SUCLG2: variants seen among roughly 807,000 people sequenced by gnomAD.
SUCLG2 encodes succinate-CoA ligase GDP-forming subunit beta, also known as succinate--CoA ligase [GDP-forming] subunit beta, mitochondrial.
In SUCLG2, 42 loss-of-function variants were observed where a neutral mutation model predicts 47.9. The ratio of observed to expected loss-of-function variants is 0.88; its 90% confidence interval spans 0.69 to 1.14. The LOEUF (loss-of-function observed/expected upper bound fraction) is 1.14, where lower values mean the gene tolerates loss of function less well. Ranked by LOEUF, SUCLG2 falls within the 50% of genes most tolerant of loss-of-function variation. The pLI, the probability that SUCLG2 is intolerant of heterozygous loss-of-function variation, is 0.00. For missense variants in SUCLG2, 571 were observed against 525.9 expected (o/e 1.09, Z -0.84); for synonymous variants, 195 against 197.3 (o/e 0.99, Z 0.10).
chr3:67,468,086 G>C (rs895787397), intron 9 of SUCLG2, among the ~76,000 whole-genome samples: 1 of 152,156 alleles, frequency 6.6e-6, no homozygotes, highest in Non-Finnish European at 1.5e-5. Context: ...ATGATGTGTG[G>C]GTTGAGGAGG....
chr3:67,475,390 G>C (rs994738579), intron 9 of SUCLG2, among the ~76,000 whole-genome samples: 1 of 152,196 alleles, frequency 6.6e-6, no homozygotes, highest in Non-Finnish European at 1.5e-5. Flanking sequence ...AGCTGTGCTG[G>C]TTGGAAGTTC....
chr3:67,382,610 T>A (rs2106771921), intron 10 of SUCLG2, among the ~76,000 whole-genome samples: 1 of 152,228 alleles, frequency 6.6e-6, no homozygotes, highest in East Asian at 1.9e-4. Context: ...GAGGAAAAAA[T>A]CACAGGAACA....
Position 67,646,811 on chromosome 3 carries a change from C to G in SUCLG2, c.84+7692G>C, listed in dbSNP as rs74540421. The stretch of plus-strand genomic sequence containing the variant: ...ATGACTCACAGCATTGAATCGATGC[C>G]AAAGTCGCCCAAATGATCTCCATTC... On this transcript the variant is annotated intron_variant, in intron 1 of 10. Transcript: ENST00000307227. Among the ~76,000 whole-genome samples the G allele has an allele frequency of 5.9e-5, 9 of 152,242 alleles. No individual in the cohort carries two copies. The East Asian group carries it at 1.7e-3, about 29-fold the overall frequency.
intron 5 of SUCLG2, 44 bp downstream of exon 5, chr3:67,520,437 CA>C: frequency 6.2e-7 from 1 of 1,613,054 alleles, no homozygotes; most frequent in Non-Finnish European, 8.5e-7. Flanking sequence ...ACAGCTTCTA[CA>C]ATAACAATCA....
intron 2 of SUCLG2, among the ~76,000 whole-genome samples, chr3:67,585,985 AAAAAAAC>A (rs1559583747): frequency 6.4e-5 from 3 of 46,790 alleles, no homozygotes; most frequent in African/African-American, 1.5e-4. Context: ...AAAAAAAAAA[AAAAAAAC>A]CAAACCCACA....
At chr3:67,416,728 T>C (rs886911688) in intron 9 of SUCLG2, among the ~76,000 whole-genome samples, 1 of 152,202 alleles carries the variant, frequency 6.6e-6, no homozygotes, top group African/African-American at 2.4e-5. Flanking sequence ...TATTGCTAAG[T>C]ATATGACTAT....
At chr3:67,500,597 C>T (rs1705471290) in intron 7 of SUCLG2, among the ~76,000 whole-genome samples, 1 of 152,120 alleles carries the variant, frequency 6.6e-6, no homozygotes. Flanking sequence ...CTGCTTGCTA[C>T]AGGGGAATTT....
At chr3:67,508,347 T>G (rs1705694897) in intron 7 of SUCLG2, among the ~76,000 whole-genome samples, 1 of 152,222 alleles carries the variant, frequency 6.6e-6, no homozygotes, top group African/African-American at 2.4e-5. Context: ...CACAAATCTT[T>G]ACCTTAGTAG....
In SUCLG2 at chr3:67,480,387, T is replaced by G. The variant is rs1704881952; in HGVS notation, c.1062+15411A>C. Among the ~76,000 whole-genome samples the G allele has an allele frequency of 4.6e-5, 7 of 152,378 alleles. No individual in the cohort carries two copies. In the South Asian group the frequency reaches 1.4e-3, roughly 32 times the overall value. ...TTCCGGGGCCTCATCCCAGAGTTTCTGACTCTGAAGGTCTGGGGTGGAGCC... is the reference window on the plus strand; with the variant it reads ...TTCCGGGGCCTCATCCCAGAGTTTCGGACTCTGAAGGTCTGGGGTGGAGCC... On this transcript the variant is annotated intron_variant, in intron 9 of 10. Transcript: ENST00000307227.
chr3:67,603,562 C>T (rs1270431365), intron 2 of SUCLG2, among the ~76,000 whole-genome samples: 1 of 152,074 alleles, frequency 6.6e-6, no homozygotes, highest in African/African-American at 2.4e-5. Context: ...TGTCATTAGG[C>T]CAGAGAAGAT....
intron 9 of SUCLG2, among the ~76,000 whole-genome samples, chr3:67,419,423 C>T (rs1703104832): frequency 6.6e-6 from 1 of 151,964 alleles, no homozygotes; most frequent in African/African-American, 2.4e-5. Flanking sequence ...GTCTAATTGT[C>T]TGACTCTGGC....
At chr3:67,610,249 T>C (rs1217173815) in intron 1 of SUCLG2, among the ~76,000 whole-genome samples, 3 of 152,228 alleles carry the variant, frequency 2.0e-5, no homozygotes, top group African/African-American at 7.2e-5. Flanking sequence ...ATTATCTCTT[T>C]CATCCACCAA....
At chr3:67,477,186 A>T (rs959174914) in intron 9 of SUCLG2, among the ~76,000 whole-genome samples, 2 of 152,172 alleles carry the variant, frequency 1.3e-5, no homozygotes, top group Non-Finnish European at 2.9e-5. Context: ...CCGATGCCTC[A>T]CTACCTCCCC....
intron 9 of SUCLG2, among the ~76,000 whole-genome samples, chr3:67,452,877 C>A (rs1385583255): frequency 3.3e-5 from 5 of 152,190 alleles, no homozygotes; most frequent in African/African-American, 1.2e-4. Context: ...ATCTTGGTAA[C>A]ACATATAAGA....
rs373170723 is a variant in SUCLG2, at chr3:67,492,671, T to C, written c.1062+3127A>G. Among the ~76,000 whole-genome samples the C allele has an allele frequency of 5.3e-5, 8 of 152,334 alleles. No homozygotes were observed. The South Asian group carries it at 1.7e-3, about 32-fold the overall frequency. ...GAGAATTATAAAATATTTAATGATATACTTTATATGAATTCAGTTCAGTAA... is the reference window on the plus strand; with the variant it reads ...GAGAATTATAAAATATTTAATGATACACTTTATATGAATTCAGTTCAGTAA... On this transcript the variant is annotated intron_variant, in intron 9 of 10. Coordinates refer to ENST00000307227, the MANE Select transcript of SUCLG2 (RefSeq NM_003848.4).
chr3:67,449,124 A>C (rs1047659824), intron 9 of SUCLG2, among the ~76,000 whole-genome samples: 2 of 152,238 alleles, frequency 1.3e-5, no homozygotes, highest in Non-Finnish European at 2.9e-5. Context: ...TGACTGTGAC[A>C]GACAGATTAA....
chr3:67,379,902 T>G (rs1332414699), intron 10 of SUCLG2, among the ~76,000 whole-genome samples: 2 of 152,198 alleles, frequency 1.3e-5, no homozygotes, highest in Non-Finnish European at 2.9e-5. Flanking sequence ...CTTATTGGGA[T>G]GACTTACTGA....
intron 1 of SUCLG2, among the ~76,000 whole-genome samples, chr3:67,652,805 C>A (rs1163160217): frequency 2.6e-5 from 4 of 152,150 alleles, no homozygotes; most frequent in Non-Finnish European, 5.9e-5. Flanking sequence ...CTTCTTTAGG[C>A]CTCAATTTCT....
intron 2 of SUCLG2, among the ~76,000 whole-genome samples, chr3:67,584,483 C>A (rs79186159): frequency 0.012 from 1,871 of 152,258 alleles, 42 homozygotes; most frequent in African/African-American, 0.043. Flanking sequence ...GGTAAATTTA[C>A]TAAACATCAT....
Sources: allele counts gnomAD v4.1 joint callset (sites outside exome capture counted in the v4.1 genomes callset), GRCh38; gene constraint gnomAD v4.1.1; transcripts MANE v1.5; gene names NCBI Gene and HGNC (gene_info 2026-07-23, HGNC 2026-07-21).